The following NEGR1 variants were observed in gnomAD, a reference collection of about 807,000 sequenced individuals.
NEGR1 encodes IgLON family member 4.
Under a neutral mutation model 40.9 loss-of-function variants are expected in NEGR1, and 10 were observed. That is an observed-to-expected ratio of 0.24 (90% CI 0.15 to 0.42). The LOEUF is 0.42. Ranked by LOEUF, NEGR1 falls within the 10% of genes least tolerant of loss-of-function variation. NEGR1 has a pLI of 1.00. For synonymous variants in NEGR1, 185 were observed against 166.8 expected (o/e 1.11, Z -0.84); for missense variants, 352 against 438.9 (o/e 0.80, Z 1.77).
At chr1:71,624,731 T>G (rs1244453434) in intron 4 of NEGR1, among the ~76,000 whole-genome samples, 1 of 151,962 alleles carries the variant, frequency 6.6e-6, no homozygotes, top group African/African-American at 2.4e-5. Context: ...TTCCAGTCTG[T>G]GCTCAAAGTC....
At chr1:72,119,113 G>A (rs1486097) in intron 1 of NEGR1, among the ~76,000 whole-genome samples, 32,847 of 151,424 alleles carry the variant, frequency 0.22, 4,304 homozygotes, top group Non-Finnish European at 0.29. Flanking sequence ...ATCATGTTTC[G>A]TACTTTAGAT....
chr1:72,119,648 C>T (rs1649723829), intron 1 of NEGR1, among the ~76,000 whole-genome samples: 1 of 151,926 alleles, frequency 6.6e-6, no homozygotes, highest in Non-Finnish European at 1.5e-5. Flanking sequence ...TTAATCCCCA[C>T]TCTCCCCACA....
chr1:72,063,624 C>T (rs1304179319), intron 1 of NEGR1, among the ~76,000 whole-genome samples: 1 of 151,854 alleles, frequency 6.6e-6, no homozygotes, highest in African/African-American at 2.4e-5. Flanking sequence ...ACTTTTATTT[C>T]CAGTACACTG....
chr1:71,862,685 T>C (rs1056447986), intron 2 of NEGR1, among the ~76,000 whole-genome samples: 3 of 152,082 alleles, frequency 2.0e-5, no homozygotes, highest in Non-Finnish European at 2.9e-5. Context: ...GGGTACATCA[T>C]ATGCCATCAA....
intron 3 of NEGR1, among the ~76,000 whole-genome samples, chr1:71,714,019 T>C (rs1363037842): frequency 6.6e-6 from 1 of 152,068 alleles, no homozygotes; most frequent in African/African-American, 2.4e-5. Flanking sequence ...ATTCTCACAC[T>C]GCTATGAAAA....
intron 4 of NEGR1, among the ~76,000 whole-genome samples, chr1:71,688,415 A>AAAAGATATATATG (rs58965164): frequency 4.4e-5 from 5 of 112,514 alleles, no homozygotes; most frequent in South Asian, 2.9e-4. Context: ...AGATATATAT[A>AAAAGATATATATG]AAAGATATAT....
At chr1:71,996,473 A>T (rs977608973) in intron 1 of NEGR1, among the ~76,000 whole-genome samples, 2 of 152,156 alleles carry the variant, frequency 1.3e-5, no homozygotes, top group Non-Finnish European at 2.9e-5. Flanking sequence ...TCATTTTTTA[A>T]TATATGACTT....
intron 1 of NEGR1, among the ~76,000 whole-genome samples, chr1:72,204,528 T>C (rs1018955272): frequency 5.3e-5 from 8 of 152,128 alleles, no homozygotes; most frequent in African/African-American, 1.9e-4. Context: ...ATGCTGAGCT[T>C]TGAGGGAGAA....
intron 2 of NEGR1, among the ~76,000 whole-genome samples, chr1:71,868,473 T>TAGATAG (rs1557682670): frequency 4.9e-4 from 25 of 50,928 alleles, no homozygotes; most frequent in African/African-American, 2.9e-3. Flanking sequence ...ATAGACAGAA[T>TAGATAG]ACATACATAC....
intron 3 of NEGR1, among the ~76,000 whole-genome samples, chr1:71,724,155 A>AT (rs1320747477): frequency 6.6e-6 from 1 of 152,200 alleles, no homozygotes; most frequent in African/African-American, 2.4e-5. Context: ...TGCTGGATTC[A>AT]TTTTTTAAAA....
intron 4 of NEGR1, among the ~76,000 whole-genome samples, chr1:71,648,673 C>T (rs1303641753): frequency 6.6e-6 from 1 of 151,950 alleles, no homozygotes; most frequent in Non-Finnish European, 1.5e-5. Flanking sequence ...GAGGTCCCTT[C>T]CCACTCTAAA....
In NEGR1 at chr1:71,457,787, C is replaced by T. The variant is rs536727285; in HGVS notation, c.941-50217G>A. ...GTGGATCTCGGCTCACTGCAAGCTC[C>T]GCCTCCTGGGTTCATGCCATTCTCC... On this transcript the variant is annotated intron_variant, in intron 6 of 6. Coordinates refer to ENST00000357731, the MANE Select transcript of NEGR1 (RefSeq NM_173808.3). Among the ~76,000 whole-genome samples, 42 of 152,146 alleles carry T rather than the reference C, an allele frequency of 2.8e-4. No individual in the cohort carries two copies. In the East Asian group the frequency reaches 6.6e-3, roughly 24 times the overall value.
Position 71,792,578 on chromosome 1 carries a change from T to G in NEGR1, c.410-16281A>C, listed in dbSNP as rs568297281. 2.0e-5 allele frequency among the ~76,000 whole-genome samples: 3 copies of G among 152,298 alleles called. No homozygotes were observed. The East Asian group carries it at 5.8e-4, about 29-fold the overall frequency. ...TTGCAAAAACAACAGTGACTATGGT[T>G]GATTTTTTCTAGTCAGTTATTTTAT... On this transcript the variant is annotated intron_variant, in intron 2 of 6. Transcript: ENST00000357731.
At chr1:72,001,749 C>G (rs773543292) in intron 1 of NEGR1, among the ~76,000 whole-genome samples, 5 of 151,300 alleles carry the variant, frequency 3.3e-5, no homozygotes, top group African/African-American at 4.9e-5. Flanking sequence ...TAAGTTAGAA[C>G]TTCAAGGGGT....
intron 6 of NEGR1, among the ~76,000 whole-genome samples, chr1:71,588,371 T>G (rs891158877): frequency 6.6e-6 from 1 of 152,138 alleles, no homozygotes; most frequent in Non-Finnish European, 1.5e-5. Context: ...ACTTCATTCC[T>G]GAGGGCTAAT....
At chr1:71,429,431 AT>A (rs1249167927) in intron 6 of NEGR1, among the ~76,000 whole-genome samples, 1 of 152,186 alleles carries the variant, frequency 6.6e-6, no homozygotes, top group Non-Finnish European at 1.5e-5. Context: ...TAAAATCCTT[AT>A]TGATAAAAGA....
intron 2 of NEGR1, among the ~76,000 whole-genome samples, chr1:71,776,797 T>C (rs1314725202): frequency 6.6e-6 from 1 of 152,112 alleles, no homozygotes; most frequent in Non-Finnish European, 1.5e-5. Context: ...ATTTTTGACT[T>C]TAATTTTCTA....
chr1:71,851,491 CTT>C lies in NEGR1; in HGVS notation c.410-75196_410-75195del, dbSNP rs1659600468. Among the ~76,000 whole-genome samples, 6 of 152,114 alleles carry C rather than the reference CTT, an allele frequency of 3.9e-5. No homozygotes were observed. The South Asian group carries it at 1.2e-3, about 31-fold the overall frequency. On this transcript the variant is annotated intron_variant, in intron 2 of 6. Coordinates refer to ENST00000357731, the MANE Select transcript of NEGR1 (RefSeq NM_173808.3). ...ACAATCGTTGTATTAGGAAATAACACTTTTTAATTCATGTATTTCTAATTTCA... is the reference window on the plus strand; with the variant it reads ...ACAATCGTTGTATTAGGAAATAACACTTTAATTCATGTATTTCTAATTTCA...
intron 1 of NEGR1, among the ~76,000 whole-genome samples, chr1:72,148,608 G>A (rs1056522207): frequency 1.3e-5 from 2 of 152,080 alleles, no homozygotes; most frequent in Non-Finnish European, 2.9e-5. Flanking sequence ...AAAATGGAAA[G>A]CTTTTAACAG....
Sources: gnomAD v4.1 joint callset for allele counts (sites outside exome capture counted in the v4.1 genomes callset) on GRCh38, gnomAD v4.1.1 for gene constraint, MANE v1.5 for transcripts, NCBI Gene and HGNC (gene_info 2026-07-23, HGNC 2026-07-21) for gene names.